Variants in SON observed in about 807,000 individuals in gnomAD.
SON encodes protein SON.
Under a neutral mutation model 173.3 loss-of-function variants are expected in SON, and 4 were observed. The ratio of observed to expected loss-of-function variants is 0.02; its 90% CI spans 0.01 to 0.05. The LOEUF is 0.05. Among genes scored for constraint, SON ranks in the 10% least tolerant of loss-of-function variants. SON has a pLI of 1.00. For missense variants in SON, 2,626 were observed against 3,055.3 expected, an observed-to-expected ratio of 0.86 and a Z score of 3.31; for synonymous variants, 1,190 against 1,105.9, an observed-to-expected ratio of 1.08 and a Z score of -1.51.
At chr21:33,545,974 G>T (rs548138111) in intron 1 of SON, among the ~76,000 whole-genome samples, 5 of 152,180 alleles carry the variant, frequency 3.3e-5, no homozygotes, top group African/African-American at 1.2e-4. Flanking sequence ...AACAAAGAGT[G>T]TACTTAGAAA....
chr21:33,543,535 T>G, intron 1 of SON: 5 of 111,508 alleles, frequency 4.5e-5, no homozygotes, highest in South Asian at 2.2e-4. Flanking sequence ...GCGTATCCCC[T>G]CCCCCTCTCG....
At position 33,560,677 on chromosome 21, in the gene SON, CA is replaced by C. The variant is rs2086055601; in HGVS notation, c.6657+906del. 8 of 907,086 alleles carry C rather than the reference CA, an allele frequency of 8.8e-6. No homozygotes were observed. The South Asian group carries it at 3.1e-4, about 35-fold the overall frequency. 56.2% of individuals were successfully genotyped at this position (907,086 alleles called of 1,614,324 possible). On this transcript the variant is annotated intron_variant, in intron 6 of 11. Coordinates refer to ENST00000356577, the MANE Select transcript of SON (RefSeq NM_138927.4). ...GTTTACTTTTATTTAACTTGTTGTG[CA>C]AAATCACGCTTGGGGGATGTGGGAG...
At chr21:33,563,129 C>T (rs551186771) in intron 6 of SON, among the ~76,000 whole-genome samples, 87 of 152,166 alleles carry the variant, frequency 5.7e-4, no homozygotes, top group Middle Eastern at 3.4e-3. Context: ...ACATAGGTCC[C>T]GGCACTGCTA....
intron 1 of SON, among the ~76,000 whole-genome samples, chr21:33,545,950 A>G (rs2085604177): frequency 6.6e-6 from 1 of 152,216 alleles, no homozygotes; most frequent in African/African-American, 2.4e-5. Flanking sequence ...TAGATTTCTG[A>G]AATTATTTTG....
chr21:33,571,493 A>C (rs939553262), intron 8 of SON, among the ~76,000 whole-genome samples: 1 of 152,262 alleles, frequency 6.6e-6, no homozygotes, highest in African/African-American at 2.4e-5. Context: ...TTACAAAAAA[A>C]GCAAAGTTTT....
intron 6 of SON, among the ~76,000 whole-genome samples, chr21:33,561,290 A>G (rs958945247): frequency 1.3e-5 from 2 of 152,212 alleles, no homozygotes; most frequent in African/African-American, 2.4e-5. Flanking sequence ...GCATATCTCA[A>G]GAGAGAAAGG....
intron 8 of SON, chr21:33,571,648 G>C (rs1326450150): frequency 6.6e-6 from 1 of 152,514 alleles, no homozygotes; most frequent in African/African-American, 2.4e-5. Flanking sequence ...TTTCACACTG[G>C]GGTAAAGAAA....
At chr21:33,568,733 T>C (rs2086223923) in intron 7 of SON, among the ~76,000 whole-genome samples, 1 of 152,224 alleles carries the variant, frequency 6.6e-6, no homozygotes, top group Non-Finnish European at 1.5e-5. Flanking sequence ...TGAAGAATAT[T>C]AACAGCTGTA....
intron 1 of SON, chr21:33,543,540 C>T (rs913831395): frequency 1.7e-5 from 2 of 120,324 alleles, no homozygotes; most frequent in South Asian, 5.0e-5. Context: ...TCCCCTCCCC[C>T]TCTCGCCTCC....
chr21:33,554,023 C>T lies in SON; in HGVS notation c.4792C>T (p.Pro1598Ser). The T allele has an allele frequency of 6.2e-7, 1 of 1,614,044 alleles. No homozygotes were observed. The highest frequency in any genetic ancestry group is 8.5e-7 in the Non-Finnish European group (1 of 1,179,992). ...DAGETLSSTG[P>S]FALEPDATGT... is the part of the protein sequence containing the mutation. Reference sequence around the variant, plus strand: ...AGGAGAAACTCTATCTTCTACTGGTCCTTTTGCTCTGGAACCTGATGCAAC... The same window carrying T: ...AGGAGAAACTCTATCTTCTACTGGTTCTTTTGCTCTGGAACCTGATGCAAC... Residue 1598 changes from proline (P) to serine (S), a missense_variant, in exon 3 of 12, where the codon CCT becomes TCT. By Grantham distance (74) the Pro-to-Ser change is moderately conservative (BLOSUM62 -1). Around this residue, in one of 13 missense-constraint regions of SON, gnomAD observed 1,006 missense variants for 895.6 expected, o/e 1.12. Transcript: ENST00000356577.
intron 6 of SON, 132 bp from the exon 7 acceptor site, chr21:33,567,023 CCT>C (rs2086187455): frequency 7.9e-6 from 4 of 506,488 alleles, no homozygotes; most frequent in Admixed American, 3.4e-5. Flanking sequence ...GAGTCTTCTC[CCT>C]GTTTTCCAAG....
chr21:33,544,668 A>T (rs1214247538), intron 1 of SON, among the ~76,000 whole-genome samples: 1 of 152,206 alleles, frequency 6.6e-6, no homozygotes. Context: ...TCATGGCTGC[A>T]TAGAATCCCA....
In SON at chr21:33,550,102, T is replaced by C. The variant is rs1339728498; in HGVS notation, c.871T>C (p.Leu291=). ...ATCTCCAGAGCCATCAAAGATCATG[T>C]TGGTAGAGCCCCCAGTAGCAAAAGT... ...STSPEPSKIM[L]VEPPVAKVLE... is the part of the protein sequence containing the mutation. The change falls in exon 3 of 12, where the codon TTG becomes CTG. Residue 291 remains leucine (L), a synonymous_variant. Coordinates refer to ENST00000356577, the MANE Select transcript of SON (RefSeq NM_138927.4). 3.7e-6 allele frequency: 6 copies of C among 1,614,052 alleles called. No individual in the cohort carries two copies. Among genetic ancestry groups the C allele is most frequent in the African/African-American group, 1.3e-5 (1 of 74,942 alleles).
In SON at chr21:33,554,950, A is replaced by C. The variant is rs2085927666; in HGVS notation, c.5719A>C (p.Lys1907Gln). 13 of 1,614,096 alleles carry C rather than the reference A, an allele frequency of 8.1e-6. No individual in the cohort carries two copies. Among genetic ancestry groups the C allele is most frequent in the Non-Finnish European group, 1.1e-5 (13 of 1,180,024 alleles). ...ATCCAAGTCTAGGGAAAGAAAAAGA[A>C]AAAGATCAAGCTCCAGGGATAACCG... ...HRSKSRERKR[K>Q]RSSSRDNRKT... The change falls in exon 3 of 12, where the codon AAA (lysine) becomes CAA (glutamine). Residue 1907 changes from lysine to glutamine, a missense_variant. This residue lies in a region of SON where 1,006 missense variants were observed against 895.6 expected (regional missense o/e 1.12). Transcript: ENST00000356577.
At position 33,551,653 on chromosome 21, in the gene SON, A is replaced by G. The variant is rs139990560; in HGVS notation, c.2422A>G (p.Thr808Ala). ...TTCCATGGACTCCCAGATGTTAGCAACCAGCTCCATGGACTCCCAGATGTT... is the reference window on the plus strand; with the variant it reads ...TTCCATGGACTCCCAGATGTTAGCAGCCAGCTCCATGGACTCCCAGATGTT... Reference protein sequence around the residue: ...TSSMDSQMLATSSMDSQMLAT... With the variant: ...TSSMDSQMLAASSMDSQMLAT... Residue 808 changes from threonine (T) to alanine (A), a missense_variant, in exon 3 of 12, where the codon ACC becomes GCC. Around this residue, in one of 13 missense-constraint regions of SON, gnomAD observed 38 missense variants for 92.1 expected, o/e 0.41. Transcript: ENST00000356577. The G allele has an allele frequency of 1.7e-4, 270 of 1,609,920 alleles. No homozygotes were observed. Among genetic ancestry groups the G allele is most frequent in the Non-Finnish European group, 4.7e-5 (55 of 1,179,324 alleles).
At chr21:33,546,175 TA>T in intron 1 of SON, 37 bp from the exon 2 acceptor site, 1 of 1,548,402 alleles carries the variant, frequency 6.5e-7, no homozygotes, top group Non-Finnish European at 8.8e-7. Context: ...AATGGTATGA[TA>T]AAATATTAAT....
Position 33,550,231 on chromosome 21 carries a change from A to G in SON, c.1000A>G (p.Ile334Val), listed in dbSNP as rs778366713. ...AATGGATTTTCCAGAGTCATCTGCAATTGAAGCGCTAAGATTGCCAGAGCA... is the reference window on the plus strand; with the variant it reads ...AATGGATTTTCCAGAGTCATCTGCAGTTGAAGCGCTAAGATTGCCAGAGCA... ...TTMDFPESSA[I>V]EALRLPEQPV... The change falls in exon 3 of 12, where the codon ATT becomes GTT. Residue 334 changes from isoleucine (I) to valine (V), a missense_variant. By Grantham distance (29) the Ile-to-Val change is conservative (BLOSUM62 3). Transcript: ENST00000356577. 1.6e-5 allele frequency: 26 copies of G among 1,614,138 alleles called. No individual in the cohort carries two copies. The highest frequency in any genetic ancestry group is 6.7e-5 in the East Asian group (3 of 44,904).
At position 33,576,498 on chromosome 21, in the gene SON, G is replaced by C. The variant is rs775947529; in HGVS notation, c.*74G>C. On this transcript the variant is annotated 3_prime_UTR_variant, in exon 12 of 12. Coordinates refer to ENST00000356577, the MANE Select transcript of SON (RefSeq NM_138927.4). ...ATGCTAAAGCCACAGCAGCTACTGT[G>C]GTTCTTCAAGCAATGGGCCTTGTAC... 4.2e-6 allele frequency: 4 copies of C among 949,010 alleles called. No individual in the cohort carries two copies. The highest frequency in any genetic ancestry group is 7.0e-6 in the Non-Finnish European group (4 of 572,226). 58.8% of individuals were successfully genotyped at this position (949,010 alleles called of 1,614,324 possible). A position where few individuals can be genotyped will look rare whatever the true frequency, so the allele number is the denominator to read the frequency against.
In SON at chr21:33,547,705, C is replaced by CTTTTTTTTT. The variant is rs928851742; in HGVS notation, c.244+1345_244+1353dup. ...GTGTTGATTTATTTTCTTCTGTAGT[C>CTTTTTTTTT]TTTTTTTTTTTTTTTTTTTTTTTTT... On this transcript the variant is annotated intron_variant, in intron 2 of 11. Transcript: ENST00000356577. Among the ~76,000 whole-genome samples, 21 of 71,026 alleles carry CTTTTTTTTT rather than the reference C, an allele frequency of 3.0e-4. 3 individuals are homozygous for CTTTTTTTTT. Among genetic ancestry groups the CTTTTTTTTT allele is most frequent in the East Asian group, 1.0e-3 (2 of 1,978 alleles). The allele number at this position is 71,026 out of a possible 152,430, so 46.6% of individuals were successfully genotyped here. A position where few individuals can be genotyped will look rare whatever the true frequency, so the allele number is the denominator to read the frequency against.
Sources: allele counts gnomAD v4.1 joint callset (sites outside exome capture counted in the v4.1 genomes callset), GRCh38; gene constraint gnomAD v4.1.1; regional missense constraint gnomAD v4.1.1; transcripts MANE v1.5; gene names NCBI Gene and HGNC (gene_info 2026-07-23, HGNC 2026-07-21).